MAP3K19: variants seen among roughly 807,000 people sequenced by gnomAD.
The protein encoded by MAP3K19 is mitogen-activated protein kinase kinase kinase 19.
In MAP3K19, 91 loss-of-function variants were observed where a neutral mutation model predicts 114.4. That is an observed-to-expected ratio of 0.80 (90% CI 0.67 to 0.95). The LOEUF (loss-of-function observed/expected upper bound fraction) is 0.95, where lower values mean the gene tolerates loss of function less well. Ranked by LOEUF, MAP3K19 falls within the 40% of genes least tolerant of loss-of-function variation. The probability of loss-of-function intolerance (pLI) is 0.00; values close to 1 mark genes in which losing one functional copy is unlikely to be tolerated. For missense variants in MAP3K19, 1,471 were observed against 1,573.2 expected (o/e 0.94, Z 1.10); for synonymous variants, 518 against 530.5 (o/e 0.98, Z 0.32).
intron 3 of MAP3K19, among the ~76,000 whole-genome samples, chr2:135,029,374 A>T (rs1314443812): frequency 6.6e-6 from 1 of 152,172 alleles, no homozygotes; most frequent in Non-Finnish European, 1.5e-5. Flanking sequence ...AGACTGTCAA[A>T]AAAACAAATA....
chr2:134,976,207 G>C (rs1409766550), intron 12 of MAP3K19, among the ~76,000 whole-genome samples: 1 of 152,172 alleles, frequency 6.6e-6, no homozygotes, highest in African/African-American at 2.4e-5. Context: ...GTGGGGGCTG[G>C]ACTCTCAAAA....
intron 5 of MAP3K19, among the ~76,000 whole-genome samples, chr2:135,020,109 C>T (rs1226751007): frequency 6.6e-6 from 1 of 152,126 alleles, no homozygotes; most frequent in Non-Finnish European, 1.5e-5. Flanking sequence ...CCTCTGCCTC[C>T]CTGGTTCAAG....
At chr2:134,981,600 C>G (rs1684663121) in intron 11 of MAP3K19, 82 bp from the exon 12 acceptor site, 1 of 1,062,050 alleles carries the variant, frequency 9.4e-7, no homozygotes, top group Non-Finnish European at 1.4e-6. Context: ...ACTTGACTTT[C>G]CCTTCTCTTT....
chr2:135,040,091 C>T (rs948603089), intron 2 of MAP3K19, among the ~76,000 whole-genome samples: 23 of 152,246 alleles, frequency 1.5e-4, no homozygotes, highest in African/African-American at 3.6e-4. Context: ...ATTAGCTCCT[C>T]GGGGGTGGCA....
At chr2:135,014,655 C>G (rs1687465706) in intron 5 of MAP3K19, among the ~76,000 whole-genome samples, 1 of 152,162 alleles carries the variant, frequency 6.6e-6, no homozygotes, top group African/African-American at 2.4e-5. Context: ...TTTGTGTATC[C>G]AGGACCCAGA....
intron 6 of MAP3K19, among the ~76,000 whole-genome samples, chr2:135,000,588 T>C (rs1230346003): frequency 6.6e-6 from 1 of 152,238 alleles, no homozygotes; most frequent in Non-Finnish European, 1.5e-5. Context: ...CTTTTTTCCA[T>C]TTAACGAACT....
rs376379287 is a variant in MAP3K19 at position 134,999,928 on chromosome 2, A to G, written c.314+9T>C. On this transcript the variant is annotated intron_variant, in intron 7 of 12. Coordinates refer to ENST00000392915, the MANE Select transcript of MAP3K19 (RefSeq NM_025052.5). This position sits in a 1 kb window ranked among gnomAD's most constrained non-coding sequence, Gnocchi z 4.1. ...TTTCAAATCTGATACTTCAAAGAATATTCCTTACTTCTTTTCTTTTAAGTC... is the reference window on the plus strand; with the variant it reads ...TTTCAAATCTGATACTTCAAAGAATGTTCCTTACTTCTTTTCTTTTAAGTC... 2.0e-5 allele frequency: 31 copies of G among 1,566,714 alleles called. No individual in the cohort carries two copies. The highest frequency in any genetic ancestry group is 1.7e-4 in the Middle Eastern group (1 of 5,988).
intron 2 of MAP3K19, among the ~76,000 whole-genome samples, chr2:135,031,678 GGA>G (rs1156931114): frequency 6.6e-6 from 1 of 152,186 alleles, no homozygotes; most frequent in Non-Finnish European, 1.5e-5. Flanking sequence ...GGGGAACCAG[GGA>G]GAGGACTACC....
At chr2:135,017,978 A>T (rs896602036) in intron 5 of MAP3K19, among the ~76,000 whole-genome samples, 1 of 152,238 alleles carries the variant, frequency 6.6e-6, no homozygotes, top group Non-Finnish European at 1.5e-5. Flanking sequence ...GTTAAAATGC[A>T]AAGTACACAT....
rs756859437 is a variant in MAP3K19, at chr2:135,046,278, A to ATTG, written c.-424+904_-424+906dup. ...TTTTCCATTTAGAATTGTTGTTGTT[A>ATTG]TTGTTGTTGTTGTTGTTGTTACAGA... On this transcript the variant is annotated intron_variant, in intron 1 of 12. Transcript: ENST00000392915. 1.2e-3 allele frequency among the ~76,000 whole-genome samples: 176 copies of ATTG among 151,490 alleles called. 2 individuals carry two copies. The highest frequency in any genetic ancestry group is 3.2e-3 in the African/African-American group (132 of 41,296).
At chr2:135,026,582 CTAAG>C (rs1048155035) in intron 3 of MAP3K19, among the ~76,000 whole-genome samples, 2 of 151,742 alleles carry the variant, frequency 1.3e-5, no homozygotes, top group African/African-American at 4.9e-5. Flanking sequence ...GACAAGATAA[CTAAG>C]TAACAGCTTT....
In MAP3K19 at chr2:135,003,595, C is replaced by T. The variant is rs180732591; in HGVS notation, c.235+1840G>A. ...TTTGAGACGGAGCCTCACTCTGTCACCCAGGTTGGAGTGCAATGGTACAAT... is the reference window on the plus strand; with the variant it reads ...TTTGAGACGGAGCCTCACTCTGTCATCCAGGTTGGAGTGCAATGGTACAAT... On this transcript the variant is annotated intron_variant, in intron 6 of 12. Transcript: ENST00000392915. 2.4e-3 allele frequency among the ~76,000 whole-genome samples: 371 copies of T among 152,260 alleles called. 1 individual carries two copies. The highest frequency in any genetic ancestry group is 0.016 in the South Asian group (79 of 4,826).
At chr2:135,007,997 T>A (rs1686951853) in intron 5 of MAP3K19, among the ~76,000 whole-genome samples, 1 of 152,254 alleles carries the variant, frequency 6.6e-6, no homozygotes, top group Admixed American at 6.5e-5. Context: ...TTGCATCACA[T>A]AATTTTTGTA....
intron 12 of MAP3K19, among the ~76,000 whole-genome samples, chr2:134,968,012 C>T (rs1476395615): frequency 1.3e-5 from 2 of 152,044 alleles, no homozygotes; most frequent in Non-Finnish European, 2.9e-5. Context: ...TGCGGCCTTC[C>T]GCAGTGTTTG....
Position 134,999,499 on chromosome 2 carries a change from T to C in MAP3K19, c.314+438A>G, listed in dbSNP as rs1433394039. On this transcript the variant is annotated intron_variant, in intron 7 of 12. Transcript: ENST00000392915. The surrounding 1 kb of genome is among the most constrained non-coding windows in gnomAD (Gnocchi z 4.1). ...ACCCGATCAATGAACGTAAGTTATT[T>C]GCCAAATTGCTTTGCAACTTTTTTA... is the stretch of plus-strand genomic sequence containing the variant. 1.3e-5 allele frequency among the ~76,000 whole-genome samples: 2 copies of C among 152,254 alleles called. No individual in the cohort carries two copies. Among genetic ancestry groups the C allele is most frequent in the African/African-American group, 4.8e-5 (2 of 41,464 alleles).
chr2:134,990,185 C>T (rs1685459845), intron 9 of MAP3K19, among the ~76,000 whole-genome samples: 2 of 152,042 alleles, frequency 1.3e-5, no homozygotes, highest in South Asian at 2.1e-4. Flanking sequence ...TTCCCAGGAA[C>T]GATTTGCTAC....
chr2:135,028,984 T>G (rs1360815583), intron 3 of MAP3K19, among the ~76,000 whole-genome samples: 1 of 152,216 alleles, frequency 6.6e-6, no homozygotes, highest in Non-Finnish European at 1.5e-5. Context: ...AGCATATCAA[T>G]TCAGCATCTG....
rs756253804 is a variant in MAP3K19, at chr2:134,985,966, A to G, written c.2906T>C (p.Leu969Pro). Reference protein sequence around the residue: ...SVNNEELTDELLGCLAAELLA... With the variant: ...SVNNEELTDEPLGCLAAELLA... ...TAATTCTGCAGCTAGACAACCTAAT[A>G]GTTCATCTGTCAATTCTTCATTATT... Residue 969 changes from leucine (L) to proline (P), a missense_variant, in exon 10 of 13, where the codon CTA becomes CCA. Transcript: ENST00000392915. The G allele has an allele frequency of 7.4e-6, 12 of 1,614,024 alleles. No homozygotes were observed. Among genetic ancestry groups the G allele is most frequent in the Non-Finnish European group, 9.3e-6 (11 of 1,179,964 alleles).
chr2:135,027,501 C>T (rs1473710950), intron 3 of MAP3K19, among the ~76,000 whole-genome samples: 1 of 152,144 alleles, frequency 6.6e-6, no homozygotes, highest in Non-Finnish European at 1.5e-5. Context: ...TGAATTGACA[C>T]CCTTCAGCTG....
Sources: allele counts gnomAD v4.1 joint callset (sites outside exome capture counted in the v4.1 genomes callset), GRCh38; gene constraint gnomAD v4.1.1; non-coding constraint Gnocchi (gnomAD v3.1); transcripts MANE v1.5; gene names NCBI Gene and HGNC (gene_info 2026-07-23, HGNC 2026-07-21).